ATP10B: variants seen among roughly 807,000 people sequenced by gnomAD.
ATP10B encodes phospholipid-transporting ATPase VB.
ATP10B carries 122 observed loss-of-function variants against 141.2 expected under a neutral mutation model. That is an observed-to-expected ratio of 0.86 (90% CI 0.75 to 1.00). The LOEUF is 1.00. Ranked by LOEUF, ATP10B falls within the 50% of genes least tolerant of loss-of-function variation. The probability of loss-of-function intolerance (pLI) is 0.00; values close to 1 mark genes in which losing one functional copy is unlikely to be tolerated. For synonymous variants in ATP10B, 685 were observed against 692.0 expected, an observed-to-expected ratio of 0.99 and a Z score of 0.16; for missense variants, 1,876 against 1,825.3, an observed-to-expected ratio of 1.03 and a Z score of -0.51.
At position 160,759,150 on chromosome 5, in the gene ATP10B, G is replaced by C. The variant is rs550115498; in HGVS notation, c.-331+26409C>G. 2.0e-5 allele frequency among the ~76,000 whole-genome samples: 3 copies of C among 152,220 alleles called. No individual in the cohort carries two copies. In the South Asian group the frequency reaches 6.2e-4, roughly 32 times the overall value. On this transcript the variant is annotated intron_variant, in intron 2 of 25. Transcript: ENST00000327245. The stretch of plus-strand genomic sequence containing the variant: ...AAAGAGGTTAGATTTGTCTTTCTGG[G>C]CCCTTTCAGATTCTAATCATTTTCT...
chr5:160,600,416 G>T (rs1208479677), intron 21 of ATP10B, among the ~76,000 whole-genome samples: 1 of 152,178 alleles, frequency 6.6e-6, no homozygotes, highest in Non-Finnish European at 1.5e-5. Flanking sequence ...AGCCTGCAAA[G>T]CTGAAATATT....
At chr5:160,844,924 TTAAA>T (rs1238757186) in intron 1 of ATP10B, among the ~76,000 whole-genome samples, 2 of 152,212 alleles carry the variant, frequency 1.3e-5, no homozygotes, top group Non-Finnish European at 2.9e-5. Flanking sequence ...TTTTTCATCC[TTAAA>T]TAACCACAAG....
chr5:160,772,240 T>C lies in ATP10B; in HGVS notation c.-331+13319A>G, dbSNP rs191071610. On this transcript the variant is annotated intron_variant, in intron 2 of 25. Coordinates refer to ENST00000327245, the MANE Select transcript of ATP10B (RefSeq NM_025153.3). ...CACTAATCAACGTTTCTAATAATAGTGTATGTGCAAGGTTTCCCTTTTCTC... is the reference window on the plus strand; with the variant it reads ...CACTAATCAACGTTTCTAATAATAGCGTATGTGCAAGGTTTCCCTTTTCTC... 2.1e-3 allele frequency among the ~76,000 whole-genome samples: 322 copies of C among 152,334 alleles called. 5 individuals are homozygous for C. Among genetic ancestry groups the C allele is most frequent in the South Asian group, 0.021 (101 of 4,826 alleles).
At chr5:160,766,294 G>A (rs1485532419) in intron 2 of ATP10B, among the ~76,000 whole-genome samples, 2 of 142,706 alleles carry the variant, frequency 1.4e-5, no homozygotes, top group Non-Finnish European at 3.0e-5. Context: ...GCAAAAATAC[G>A]GAACCAGCCT....
chr5:160,835,947 C>T (rs1238256899), intron 1 of ATP10B, among the ~76,000 whole-genome samples: 1 of 152,022 alleles, frequency 6.6e-6, no homozygotes, highest in Non-Finnish European at 1.5e-5. Flanking sequence ...TGCTGATATC[C>T]TTGGGAGTGG....
chr5:160,594,217 G>C (rs932691824), intron 22 of ATP10B, among the ~76,000 whole-genome samples: 7 of 152,190 alleles, frequency 4.6e-5, no homozygotes, highest in African/African-American at 1.7e-4. Flanking sequence ...AGCCAGAAGA[G>C]AGTGGGGGCC....
Position 160,684,689 on chromosome 5 carries a change from G to C in ATP10B, c.470+1390C>G. 9.1e-6 allele frequency: 5 copies of C among 546,922 alleles called. No individual in the cohort carries two copies. The Admixed American group carries it at 1.7e-4, about 18-fold the overall frequency. The allele number at this position is 546,922 out of a possible 1,614,324, so 33.9% of individuals were successfully genotyped here. ...TTTTTTCTGGATTGTAGACTATAAA[G>C]CTCACTGTAGAGAACTGAACAGCTT... On this transcript the variant is annotated intron_variant, in intron 6 of 25. Coordinates refer to ENST00000327245, the MANE Select transcript of ATP10B (RefSeq NM_025153.3).
At chr5:160,872,857 C>T in the ATP10B span, among the ~76,000 whole-genome samples, 4 of 152,090 alleles carry the variant, frequency 2.6e-5, no homozygotes, top group African/African-American at 9.6e-5. Context: ...ACTATGCGGT[C>T]TTTTGTTTTG....
intron 24 of ATP10B, among the ~76,000 whole-genome samples, chr5:160,589,257 C>A (rs758310407): frequency 6.4e-4 from 98 of 152,164 alleles, no homozygotes; most frequent in Non-Finnish European, 1.0e-3. Flanking sequence ...GGTGATCTGT[C>A]CACCTCGGCC....
the ATP10B span, among the ~76,000 whole-genome samples, chr5:160,921,319 T>C: frequency 6.6e-6 from 1 of 152,130 alleles, no homozygotes; most frequent in Non-Finnish European, 1.5e-5. Context: ...TGTTTCATAA[T>C]TGTACATAAA....
At chr5:160,647,430 T>A (rs1336795598) in intron 8 of ATP10B, among the ~76,000 whole-genome samples, 2 of 152,000 alleles carry the variant, frequency 1.3e-5, no homozygotes, top group Admixed American at 6.6e-5. Context: ...TGAGGCCCAG[T>A]CATGTGGAGG....
intron 2 of ATP10B, among the ~76,000 whole-genome samples, chr5:160,742,848 G>T (rs1277275793): frequency 1.3e-5 from 2 of 152,148 alleles, no homozygotes; most frequent in East Asian, 1.9e-4. Flanking sequence ...TGATTGAAAG[G>T]TATGATGAAA....
chr5:160,864,905 A>C, the ATP10B span, among the ~76,000 whole-genome samples: 1 of 152,054 alleles, frequency 6.6e-6, no homozygotes, highest in Non-Finnish European at 1.5e-5. Context: ...AAATGACAGA[A>C]CACTGCTGAA....
intron 1 of ATP10B, among the ~76,000 whole-genome samples, chr5:160,806,641 A>C (rs1772791518): frequency 6.6e-6 from 1 of 152,096 alleles, no homozygotes; most frequent in African/African-American, 2.4e-5. Flanking sequence ...CATGGACTGA[A>C]CTCTTAGCAT....
intron 6 of ATP10B, among the ~76,000 whole-genome samples, chr5:160,680,091 T>C (rs891918): frequency 0.87 from 132,287 of 152,150 alleles, 57,694 homozygotes; most frequent in African/African-American, 0.91. Context: ...CTGCTGTTTG[T>C]AAAAAGACAT....
chr5:160,755,718 G>C (rs1174668557), intron 2 of ATP10B, among the ~76,000 whole-genome samples: 1 of 146,868 alleles, frequency 6.8e-6, no homozygotes, highest in East Asian at 2.0e-4. Flanking sequence ...GGGAAGCTGA[G>C]GCAGGAGAAT....
At position 160,704,914 on chromosome 5, in the gene ATP10B, C is replaced by CTTTTTTTTTT. The variant is rs1170629163; in HGVS notation, c.-205+11985_-205+11994dup. ...TGCTAGCTTCCAACATTTCTTTCAT[C>CTTTTTTTTTT]TTTTTTTTTTTTTTTTTTTTTGTTG... On this transcript the variant is annotated intron_variant, in intron 3 of 25. Transcript: ENST00000327245. Among the ~76,000 whole-genome samples the CTTTTTTTTTT allele has an allele frequency of 8.3e-3, 695 of 83,606 alleles. 38 individuals carry two copies. The highest frequency in any genetic ancestry group is 0.019 in the African/African-American group (320 of 17,218). The allele number at this position is 83,606 out of a possible 152,430, so 54.8% of individuals were successfully genotyped here. A position where few individuals can be genotyped will look rare whatever the true frequency, so the allele number is the denominator to read the frequency against.
At chr5:160,879,881 T>C in the ATP10B span, among the ~76,000 whole-genome samples, 5 of 151,992 alleles carry the variant, frequency 3.3e-5, no homozygotes, top group African/African-American at 1.2e-4. Flanking sequence ...CTGGAACTAA[T>C]AAGTGATTGT....
At chr5:160,644,924 TG>T (rs1309117519) in intron 8 of ATP10B, among the ~76,000 whole-genome samples, 1 of 152,100 alleles carries the variant, frequency 6.6e-6, no homozygotes, top group Admixed American at 6.5e-5. Flanking sequence ...GAGACCAGCC[TG>T]GCCAACATGG....
Sources: allele counts gnomAD v4.1 joint callset (sites outside exome capture counted in the v4.1 genomes callset), GRCh38; gene constraint gnomAD v4.1.1; transcripts MANE v1.5; gene names NCBI Gene and HGNC (gene_info 2026-07-23, HGNC 2026-07-21).